The following DNAJC1 variants were observed in gnomAD, a reference collection of about 807,000 sequenced individuals.
The protein encoded by DNAJC1 is DnaJ heat shock protein family (Hsp40) member C1.
Under a neutral mutation model 76.6 loss-of-function variants are expected in DNAJC1, and 58 were observed. The observed-to-expected ratio is 0.76, with a 90% CI of 0.61 to 0.94. The LOEUF (loss-of-function observed/expected upper bound fraction) is 0.94, where lower values mean the gene tolerates loss of function less well. Ranked by LOEUF, DNAJC1 falls within the 40% of genes least tolerant of loss-of-function variation. The probability of loss-of-function intolerance (pLI) is 0.00; values close to 1 mark genes in which losing one functional copy is unlikely to be tolerated. For missense variants in DNAJC1, 689 were observed against 677.3 expected, an observed-to-expected ratio of 1.02 and a Z score of -0.19; for synonymous variants, 258 against 267.9, an observed-to-expected ratio of 0.96 and a Z score of 0.36.
At position 21,955,705 on chromosome 10, in the gene DNAJC1, TTTTG is replaced by T. The variant is rs780259876; in HGVS notation, c.223-26568_223-26565del. Among the ~76,000 whole-genome samples, 4 of 152,298 alleles carry T rather than the reference TTTTG, an allele frequency of 2.6e-5. No homozygotes were observed. In the East Asian group the frequency reaches 7.7e-4, roughly 29 times the overall value. On this transcript the variant is annotated intron_variant, in intron 1 of 11. Coordinates refer to ENST00000376980, the MANE Select transcript of DNAJC1 (RefSeq NM_022365.4). The stretch of plus-strand genomic sequence containing the variant: ...TTTATTAAAATTTTATCAAACAATA[TTTTG>T]TTTTTTACTAAGTTTTTTAAAAACC...
intron 1 of DNAJC1, among the ~76,000 whole-genome samples, chr10:21,978,751 C>T (rs1838104964): frequency 6.6e-6 from 1 of 152,092 alleles, no homozygotes; most frequent in African/African-American, 2.4e-5. Context: ...ATACAAGACC[C>T]AAGAATCCTA....
intron 1 of DNAJC1, among the ~76,000 whole-genome samples, chr10:21,978,386 A>G (rs1590076678): frequency 6.6e-6 from 1 of 152,144 alleles, no homozygotes; most frequent in African/African-American, 2.4e-5. Context: ...TCCTTTCAGT[A>G]AAGTGGGAAA....
intron 3 of DNAJC1, 41 bp from the exon 4 acceptor site, chr10:21,921,004 AT>A: frequency 6.7e-7 from 1 of 1,487,692 alleles, no homozygotes; most frequent in East Asian, 2.4e-5. Flanking sequence ...GGAGTTTAAA[AT>A]AAAAACAAAA....
chr10:21,976,885 G>A (rs951432381), intron 1 of DNAJC1, among the ~76,000 whole-genome samples: 4 of 152,034 alleles, frequency 2.6e-5, no homozygotes, highest in Admixed American at 2.0e-4. Context: ...CTTGAATGCC[G>A]CCGGCCCACC....
intron 8 of DNAJC1, among the ~76,000 whole-genome samples, chr10:21,817,704 C>G (rs1048861231): frequency 6.6e-6 from 1 of 152,114 alleles, no homozygotes; most frequent in South Asian, 2.1e-4. Context: ...ACTGGCTGAA[C>G]CCATGGCAGA....
intron 9 of DNAJC1, among the ~76,000 whole-genome samples, chr10:21,787,233 CAGG>C (rs1029688094): frequency 7.2e-5 from 11 of 152,000 alleles, no homozygotes; most frequent in Non-Finnish European, 1.6e-4. Context: ...GAAGCTGAGG[CAGG>C]AGAATTGCTT....
At position 22,003,625 on chromosome 10, in the gene DNAJC1, G is replaced by C. The variant is rs1273151696; in HGVS notation, c.-191C>G. 3.4e-6 allele frequency: 2 copies of C among 585,522 alleles called. 1 individual carries two copies. The highest frequency in any genetic ancestry group is 3.9e-5 in the African/African-American group (2 of 51,174). 36.3% of individuals were successfully genotyped at this position (585,522 alleles called of 1,614,324 possible). A position where few individuals can be genotyped will look rare whatever the true frequency, so the allele number is the denominator to read the frequency against. ...GCGGGAGCCGGCTGCCGGACGGGCG[G>C]GTGGGTAGGCGGGCGGGGCCGCAGC... On this transcript the variant is annotated 5_prime_UTR_variant, in exon 1 of 12. Coordinates refer to ENST00000376980, the MANE Select transcript of DNAJC1 (RefSeq NM_022365.4).
chr10:21,905,092 G>GC (rs938268884), intron 6 of DNAJC1, among the ~76,000 whole-genome samples: 1 of 151,866 alleles, frequency 6.6e-6, no homozygotes, highest in African/African-American at 2.4e-5. Context: ...AGTGAAAGGT[G>GC]CCACTCCTCC....
chr10:21,962,396 TACTCTAA>T (rs929000551), intron 1 of DNAJC1, among the ~76,000 whole-genome samples: 1 of 150,468 alleles, frequency 6.6e-6, no homozygotes, highest in Non-Finnish European at 1.5e-5. Context: ...GCTCTATTTT[TACTCTAA>T]ACTCTAAATT....
chr10:21,856,327 CA>C (rs2131694052), intron 8 of DNAJC1, among the ~76,000 whole-genome samples: 1 of 152,172 alleles, frequency 6.6e-6, no homozygotes, highest in Non-Finnish European at 1.5e-5. Context: ...AATAATGACT[CA>C]AAATTCATCA....
intron 1 of DNAJC1, among the ~76,000 whole-genome samples, chr10:21,929,564 G>A (rs1002125094): frequency 6.6e-6 from 1 of 152,098 alleles, no homozygotes; most frequent in Non-Finnish European, 1.5e-5. Context: ...CTAACCATAT[G>A]GTTTCTCTAT....
At chr10:21,796,118 C>A (rs574888041) in intron 9 of DNAJC1, among the ~76,000 whole-genome samples, 1 of 151,756 alleles carries the variant, frequency 6.6e-6, no homozygotes, top group African/African-American at 2.4e-5. Context: ...TACAGGCATG[C>A]ACCACCATAC....
At chr10:21,815,018 AGG>A (rs1354207891) in intron 8 of DNAJC1, among the ~76,000 whole-genome samples, 1 of 152,168 alleles carries the variant, frequency 6.6e-6, no homozygotes, top group East Asian at 1.9e-4. Context: ...AGTCAGGCAG[AGG>A]GGCAAACTCC....
rs576520398 is a variant in DNAJC1 at position 21,803,310 on chromosome 10, T to C, written c.1098+2670A>G. Among the ~76,000 whole-genome samples the C allele has an allele frequency of 1.1e-4, 17 of 152,216 alleles. 2 individuals carry two copies. Among genetic ancestry groups the C allele is most frequent in the African/African-American group, 3.8e-4 (16 of 41,560 alleles). ...ACAGCTGTGCAAAGCCAGGGAGAAC[T>C]AGGCAGGTGATCAGGTCAGTATGCA... On this transcript the variant is annotated intron_variant, in intron 9 of 11. Coordinates refer to ENST00000376980, the MANE Select transcript of DNAJC1 (RefSeq NM_022365.4).
chr10:21,820,742 G>A (rs1835145963), intron 8 of DNAJC1, among the ~76,000 whole-genome samples: 1 of 152,206 alleles, frequency 6.6e-6, no homozygotes, highest in South Asian at 2.1e-4. Context: ...GGGTTCCCAT[G>A]ACCCCCTCTT....
intron 6 of DNAJC1, among the ~76,000 whole-genome samples, chr10:21,915,845 CAA>C (rs60126807): frequency 2.7e-4 from 34 of 123,766 alleles, no homozygotes; most frequent in Non-Finnish European, 3.0e-4. Flanking sequence ...CCCCATCTCC[CAA>C]AAAAAAAAAA....
At chr10:21,906,152 T>C (rs781444136) in intron 6 of DNAJC1, among the ~76,000 whole-genome samples, 1 of 152,062 alleles carries the variant, frequency 6.6e-6, no homozygotes, top group South Asian at 2.1e-4. Flanking sequence ...TAGTAAAAGA[T>C]CTCTTAATTC....
chr10:21,937,252 T>C (rs1045522948), intron 1 of DNAJC1, among the ~76,000 whole-genome samples: 1 of 152,028 alleles, frequency 6.6e-6, no homozygotes, highest in East Asian at 1.9e-4. Flanking sequence ...AAGATACAAA[T>C]AGATCAAAAG....
intron 1 of DNAJC1, among the ~76,000 whole-genome samples, chr10:21,961,293 A>G (rs576126788): frequency 2.0e-5 from 3 of 152,378 alleles, no homozygotes; most frequent in South Asian, 2.1e-4. Flanking sequence ...CAGCAGCATT[A>G]TTCACAATAG....
Sources: gnomAD v4.1 joint callset for allele counts (sites outside exome capture counted in the v4.1 genomes callset) on GRCh38, gnomAD v4.1.1 for gene constraint, MANE v1.5 for transcripts, NCBI Gene and HGNC (gene_info 2026-07-23, HGNC 2026-07-21) for gene names.